FBXL17: variants seen among roughly 807,000 people sequenced by gnomAD.
FBXL17 encodes the protein F-box and leucine rich repeat protein 17.
FBXL17 carries 22 observed loss-of-function variants against 66.2 expected under a neutral mutation model. The ratio of observed to expected loss-of-function variants is 0.33; its 90% CI spans 0.24 to 0.47. The LOEUF (loss-of-function observed/expected upper bound fraction) is 0.47. FBXL17 is among the 20% of genes least tolerant of loss of function. FBXL17 has a pLI of 1.00. For missense variants in FBXL17, 878 were observed against 948.2 expected (o/e 0.93, Z 0.97); for synonymous variants, 474 against 400.5 (o/e 1.18, Z -2.19).
chr5:108,226,220 G>T (rs900445144), intron 4 of FBXL17, among the ~76,000 whole-genome samples: 1 of 151,870 alleles, frequency 6.6e-6, no homozygotes, highest in South Asian at 2.1e-4. Flanking sequence ...GATTTGCCTC[G>T]GACAGTTTCA....
At chr5:108,298,103 A>T in intron 4 of FBXL17, 1 of 961,934 alleles carries the variant, frequency 1.0e-6, no homozygotes, top group Non-Finnish European at 1.2e-6. Flanking sequence ...TATATTATAC[A>T]ATTTTAATTT....
intron 4 of FBXL17, among the ~76,000 whole-genome samples, chr5:108,333,146 C>T (rs1409650039): frequency 1.7e-5 from 1 of 59,186 alleles, no homozygotes. Flanking sequence ...CCAGAAATAC[C>T]AGTATATATA....
rs369310121 is a variant in FBXL17 at position 108,372,706 on chromosome 5, T to G, written c.994-4753A>C. On this transcript the variant is annotated intron_variant, in intron 1 of 8. Coordinates refer to ENST00000542267, the MANE Select transcript of FBXL17 (RefSeq NM_001163315.3). ...TAAAAATAAAGGCAAAATTAAGATA[T>G]TTCCAGATAAACAAAAACTGAGGAA... Among the ~76,000 whole-genome samples, 37 of 152,238 alleles carry G rather than the reference T, an allele frequency of 2.4e-4. No homozygotes were observed. In the South Asian group the frequency reaches 7.5e-3, roughly 31 times the overall value.
At chr5:108,000,596 T>C (rs17160841) in intron 7 of FBXL17, among the ~76,000 whole-genome samples, 2,598 of 152,302 alleles carry the variant, frequency 0.017, 72 homozygotes, top group African/African-American at 0.06. Context: ...CATAACATCC[T>C]ATACTAATGT....
At chr5:107,955,602 C>A (rs1751637965) in intron 7 of FBXL17, among the ~76,000 whole-genome samples, 1 of 152,152 alleles carries the variant, frequency 6.6e-6, no homozygotes, top group South Asian at 2.1e-4. Flanking sequence ...TGTTACAGCA[C>A]TTTAGTAAGT....
intron 4 of FBXL17, among the ~76,000 whole-genome samples, chr5:108,328,402 A>G (rs1485917763): frequency 1.3e-5 from 2 of 152,088 alleles, no homozygotes; most frequent in Non-Finnish European, 1.5e-5. Context: ...TTTCATCAAA[A>G]TTATCAACAA....
chr5:108,290,153 C>T (rs377034373), intron 4 of FBXL17, among the ~76,000 whole-genome samples: 1 of 152,152 alleles, frequency 6.6e-6, no homozygotes, highest in African/African-American at 2.4e-5. Context: ...GTCAGTTTAA[C>T]TGGCAACATT....
chr5:108,035,245 A>G lies in FBXL17; in HGVS notation c.1746-14244T>C, dbSNP rs565603690. Among the ~76,000 whole-genome samples the G allele has an allele frequency of 2.4e-3, 365 of 152,344 alleles. 3 individuals carry two copies. Among genetic ancestry groups the G allele is most frequent in the South Asian group, 0.014 (67 of 4,826 alleles). On this transcript the variant is annotated intron_variant, in intron 6 of 8. Transcript: ENST00000542267. ...ATGCATACTTATTGCAAAAATTAAT[A>G]CAGAGTCCAAATCTGTGAGTTTAAA... is the stretch of plus-strand genomic sequence containing the variant.
chr5:108,345,658 ACATCAGCAGAAAC>A (rs1395132969), intron 4 of FBXL17, among the ~76,000 whole-genome samples: 1 of 151,592 alleles, frequency 6.6e-6, no homozygotes, highest in Non-Finnish European at 1.5e-5. Flanking sequence ...ATAAACCACA[ACATCAGCAGAAAC>A]CATCAGCAGA....
At chr5:107,881,581 C>T (rs1191176894) in intron 7 of FBXL17, among the ~76,000 whole-genome samples, 2 of 151,984 alleles carry the variant, frequency 1.3e-5, no homozygotes, top group Non-Finnish European at 2.9e-5. Flanking sequence ...ACGTAAACAC[C>T]ATTTTGAGGA....
At chr5:107,897,381 G>A (rs13161312) in intron 7 of FBXL17, among the ~76,000 whole-genome samples, 14,064 of 152,142 alleles carry the variant, frequency 0.092, 729 homozygotes, top group South Asian at 0.21. Context: ...TAACCCATGA[G>A]CCTTGAAAGG....
intron 6 of FBXL17, among the ~76,000 whole-genome samples, chr5:108,104,052 T>C (rs1749697566): frequency 1.3e-5 from 2 of 152,196 alleles, no homozygotes; most frequent in South Asian, 4.1e-4. Flanking sequence ...TGTTGTTTTT[T>C]GAGATGCAGC....
intron 6 of FBXL17, among the ~76,000 whole-genome samples, chr5:108,081,066 C>T (rs1287179411): frequency 6.6e-6 from 1 of 152,054 alleles, no homozygotes; most frequent in Non-Finnish European, 1.5e-5. Flanking sequence ...AAAATTCTGA[C>T]CAAGCCCTGC....
At chr5:107,890,743 C>A (rs1000252721) in intron 7 of FBXL17, among the ~76,000 whole-genome samples, 1 of 151,832 alleles carries the variant, frequency 6.6e-6, no homozygotes, top group African/African-American at 2.4e-5. Flanking sequence ...TTAAACACAC[C>A]AAGGTTGGTG....
chr5:107,980,664 A>ATATATATTTTTTTTTTTT, intron 7 of FBXL17, among the ~76,000 whole-genome samples: 4 of 62,106 alleles, frequency 6.4e-5, no homozygotes, highest in African/African-American at 4.1e-4. Flanking sequence ...ATATATATAT[A>ATATATATTTTTTTTTTTT]TTTTTTTTTT....
intron 8 of FBXL17, among the ~76,000 whole-genome samples, chr5:107,873,180 A>T (rs1262060256): frequency 6.6e-6 from 1 of 152,250 alleles, no homozygotes; most frequent in African/African-American, 2.4e-5. Context: ...CTGAAAGCTG[A>T]TGTAGGATCA....
At chr5:108,236,678 C>T (rs1755618417) in intron 4 of FBXL17, among the ~76,000 whole-genome samples, 1 of 152,092 alleles carries the variant, frequency 6.6e-6, no homozygotes, top group Admixed American at 6.6e-5. Flanking sequence ...TTCTTTCCAC[C>T]CTCAATGAAA....
At chr5:108,293,640 A>G (rs1180191753) in intron 4 of FBXL17, among the ~76,000 whole-genome samples, 1 of 152,194 alleles carries the variant, frequency 6.6e-6, no homozygotes, top group Non-Finnish European at 1.5e-5. Context: ...TATAATCAAA[A>G]GATGAAACAC....
intron 5 of FBXL17, among the ~76,000 whole-genome samples, chr5:108,215,946 C>G (rs1200116589): frequency 7.3e-6 from 1 of 136,694 alleles, no homozygotes; most frequent in Non-Finnish European, 1.6e-5. Context: ...GCACCATGTG[C>G]TTAAGAGACT....
Sources: gnomAD v4.1 joint callset for allele counts (sites outside exome capture counted in the v4.1 genomes callset) on GRCh38, gnomAD v4.1.1 for gene constraint, MANE v1.5 for transcripts, NCBI Gene and HGNC (gene_info 2026-07-23, HGNC 2026-07-21) for gene names.